Variants in RAPGEF4 observed in about 807,000 individuals in gnomAD.
RAPGEF4 encodes RAP guanine-nucleotide-exchange factor (GEF) 4.
Under a neutral mutation model 147.9 loss-of-function variants are expected in RAPGEF4, and 66 were observed. The ratio of observed to expected loss-of-function variants is 0.45; its 90% CI spans 0.37 to 0.55. RAPGEF4 has a LOEUF of 0.55. Among genes scored for constraint, RAPGEF4 ranks in the 20% least tolerant of loss-of-function variants. RAPGEF4 has a pLI of 0.00. For synonymous variants in RAPGEF4, 419 were observed against 442.7 expected (o/e 0.95, Z 0.67); for missense variants, 1,071 against 1,257.3 (o/e 0.85, Z 2.24).
Position 172,919,455 on chromosome 2 carries a change from C to T in RAPGEF4, c.517+1581C>T, listed in dbSNP as rs182332606. Among the ~76,000 whole-genome samples, 25 of 152,236 alleles carry T rather than the reference C, an allele frequency of 1.6e-4. No homozygotes were observed. The East Asian group carries it at 1.9e-3, about 12-fold the overall frequency. On this transcript the variant is annotated intron_variant, in intron 5 of 30. Transcript: ENST00000397081. ...CCAGACTCCATTCCGCCTTGGCTCCCGGGGCACCACTGTGTTATCCTGGCT... is the reference window on the plus strand; with the variant it reads ...CCAGACTCCATTCCGCCTTGGCTCCTGGGGCACCACTGTGTTATCCTGGCT...
chr2:172,893,165 C>T (rs550529531), intron 4 of RAPGEF4, among the ~76,000 whole-genome samples: 6 of 152,242 alleles, frequency 3.9e-5, no homozygotes, highest in African/African-American at 7.2e-5. Context: ...ACGAAGATCC[C>T]GTGGAAATGG....
intron 26 of RAPGEF4, among the ~76,000 whole-genome samples, chr2:173,031,497 C>T (rs1697192311): frequency 6.6e-6 from 1 of 152,208 alleles, no homozygotes; most frequent in South Asian, 2.1e-4. Flanking sequence ...TCTAATCCCC[C>T]TGCCACAGAG....
intron 6 of RAPGEF4, 125 bp from the exon 7 acceptor site, chr2:172,960,635 T>G: frequency 1.4e-6 from 1 of 692,998 alleles, no homozygotes; most frequent in Non-Finnish European, 2.3e-6. Context: ...AATTTATCTC[T>G]TATTTTTTTA....
chr2:173,046,902 T>G (rs1685539811), intron 29 of RAPGEF4, among the ~76,000 whole-genome samples: 1 of 152,214 alleles, frequency 6.6e-6, no homozygotes, highest in African/African-American at 2.4e-5. Context: ...AGATAATATA[T>G]TTGTAAGGCC....
At chr2:172,756,957 C>A (rs1325143538) in intron 1 of RAPGEF4, among the ~76,000 whole-genome samples, 1 of 152,190 alleles carries the variant, frequency 6.6e-6, no homozygotes, top group Non-Finnish European at 1.5e-5. Flanking sequence ...ATGCACCTAT[C>A]GGGGATGGAC....
At position 173,042,621 on chromosome 2, in the gene RAPGEF4, TC is replaced by T. The variant is rs1684908329; in HGVS notation, c.2853+5930del. The stretch of plus-strand genomic sequence containing the variant: ...CTGGGCAATAGAGTAAGACTCCAAA[TC>T]AAAAAAAAAAAGGGAAAGAAAATTG... On this transcript the variant is annotated intron_variant, in intron 29 of 30. Coordinates refer to ENST00000397081, the MANE Select transcript of RAPGEF4 (RefSeq NM_007023.4). This position sits in a 1 kb window ranked among gnomAD's most constrained non-coding sequence, Gnocchi z 4.2. Among the ~76,000 whole-genome samples, 1 of 143,464 alleles carries T rather than the reference TC, an allele frequency of 7.0e-6. No individual in the cohort carries two copies. The highest frequency in any genetic ancestry group is 1.5e-5 in the Non-Finnish European group (1 of 66,100). 94.1% of individuals were successfully genotyped at this position (143,464 alleles called of 152,430 possible).
chr2:173,002,807 G>A (rs556080273), intron 17 of RAPGEF4, among the ~76,000 whole-genome samples: 3 of 152,094 alleles, frequency 2.0e-5, no homozygotes, highest in Middle Eastern at 3.4e-3. Flanking sequence ...AGATTTGTGT[G>A]TTTATTTGCC....
chr2:172,736,684 C>T (rs981772748), intron 1 of RAPGEF4, among the ~76,000 whole-genome samples: 1 of 152,192 alleles, frequency 6.6e-6, no homozygotes, highest in Non-Finnish European at 1.5e-5. Flanking sequence ...CATGTAACTC[C>T]CGACGACAGC....
intron 22 of RAPGEF4, among the ~76,000 whole-genome samples, chr2:173,020,234 G>A (rs1445229786): frequency 2.0e-5 from 3 of 152,170 alleles, no homozygotes; most frequent in Non-Finnish European, 4.4e-5. Flanking sequence ...TGAGGTCTCA[G>A]AAACCTCCAA....
In RAPGEF4 at chr2:172,759,645, C is replaced by T. The variant is rs180974271; in HGVS notation, c.65+23597C>T. On this transcript the variant is annotated intron_variant, in intron 1 of 30. Transcript: ENST00000397081. ...CATATGGTTCATTGGTTGCCATGTC[C>T]CTGGAAACATATCCTCTTAGGAGAT... Among the ~76,000 whole-genome samples the T allele has an allele frequency of 4.6e-5, 7 of 152,208 alleles. 1 individual carries two copies. The highest frequency in any genetic ancestry group is 1.4e-4 in the African/African-American group (6 of 41,534).
At chr2:172,837,493 A>G (rs1691089792) in intron 4 of RAPGEF4, among the ~76,000 whole-genome samples, 1 of 152,220 alleles carries the variant, frequency 6.6e-6, no homozygotes, top group Non-Finnish European at 1.5e-5. Flanking sequence ...CGAACCAGCC[A>G]ACCAACAAAC....
chr2:173,012,314 T>C (rs1051394242), intron 17 of RAPGEF4, among the ~76,000 whole-genome samples: 2 of 152,124 alleles, frequency 1.3e-5, no homozygotes, highest in Admixed American at 6.5e-5. Context: ...CTTTGACACA[T>C]ACCGTACTCA....
intron 1 of RAPGEF4, among the ~76,000 whole-genome samples, chr2:172,742,506 C>G (rs1485036150): frequency 6.6e-6 from 1 of 152,132 alleles, no homozygotes; most frequent in Non-Finnish European, 1.5e-5. Context: ...GAATGCATCA[C>G]AGAAGTGTTA....
intron 3 of RAPGEF4, among the ~76,000 whole-genome samples, chr2:172,804,713 G>A (rs923600882): frequency 3.9e-5 from 6 of 152,210 alleles, no homozygotes; most frequent in East Asian, 1.9e-4. Flanking sequence ...TCCAGTGTCC[G>A]TAGTGGGGTG....
At position 172,985,472 on chromosome 2, in the gene RAPGEF4, C is replaced by G; in HGVS notation, c.1129C>G (p.His377Asp). The G allele has an allele frequency of 6.2e-7, 1 of 1,613,924 alleles. No homozygotes were observed. Residue 377 changes from histidine (H) to aspartate (D), a missense_variant, in exon 12 of 31, where the codon CAC (histidine) becomes GAC (aspartate). Coordinates refer to ENST00000397081, the MANE Select transcript of RAPGEF4 (RefSeq NM_007023.4). ...AGCAGGTGTTCTCATTTTTGAGTCT[C>G]ACGCCAAAGGAGGGACTGTGTGTAA... ...ELAGVLIFES[H>D]AKGGTVLFNQ...
chr2:172,935,370 C>T (rs2150109277), intron 6 of RAPGEF4, among the ~76,000 whole-genome samples: 1 of 152,262 alleles, frequency 6.6e-6, no homozygotes, highest in East Asian at 1.9e-4. Flanking sequence ...TGGTGGGTCA[C>T]ATGGCTCCCC....
At chr2:173,007,254 T>G (rs555006875) in intron 17 of RAPGEF4, among the ~76,000 whole-genome samples, 1 of 152,276 alleles carries the variant, frequency 6.6e-6, no homozygotes, top group Admixed American at 6.5e-5. Context: ...AAAAGGAGAA[T>G]AGCCAGGAAC....
intron 29 of RAPGEF4, among the ~76,000 whole-genome samples, chr2:173,041,833 C>A (rs1180752716): frequency 6.6e-6 from 1 of 152,138 alleles, no homozygotes; most frequent in Non-Finnish European, 1.5e-5. Flanking sequence ...CTGAAATTGT[C>A]TTCCCCCAGT....
Position 172,922,283 on chromosome 2 carries a change from A to T in RAPGEF4, c.520A>T (p.Ile174Phe), listed in dbSNP as rs1684849872. Reference protein sequence around the residue: ...VMETGSNNDRIPDKENTPLIE... With the variant: ...VMETGSNNDRFPDKENTPLIE... ...TCTGTCTCTTTTTCCTCCTTTAGGG[A>T]TTCCTGACAAGGAGAACGTGAGTAG... Residue 174 changes from isoleucine (I) to phenylalanine (F), a missense_variant and splice_region_variant, in exon 6 of 31, where the codon ATT (isoleucine) becomes TTT (phenylalanine). Transcript: ENST00000397081. 1 of 1,607,218 alleles carries T rather than the reference A, an allele frequency of 6.2e-7. No individual in the cohort carries two copies. Among genetic ancestry groups the T allele is most frequent in the African/African-American group, 1.3e-5 (1 of 74,870 alleles).
Sources: gnomAD v4.1 joint callset for allele counts (sites outside exome capture counted in the v4.1 genomes callset) on GRCh38, gnomAD v4.1.1 for gene constraint, Gnocchi (gnomAD v3.1) non-coding constraint, MANE v1.5 for transcripts, NCBI Gene and HGNC (gene_info 2026-07-23, HGNC 2026-07-21) for gene names.